The following COL11A2 variants were observed in gnomAD, a reference collection of about 807,000 sequenced individuals.
COL11A2 encodes collagen alpha-2(XI) chain.
A neutral mutation model predicts 273.4 loss-of-function variants in COL11A2; 116 were observed. That is an observed-to-expected ratio of 0.42 (90% confidence interval 0.36 to 0.49). The LOEUF (loss-of-function observed/expected upper bound fraction) is 0.49. Ranked by LOEUF, COL11A2 falls within the 20% of genes least tolerant of loss-of-function variation. The pLI is 0.00. For missense variants in COL11A2, 1,866 were observed against 2,309.0 expected, an observed-to-expected ratio of 0.81 and a Z score of 3.93; for synonymous variants, 782 against 864.2, an observed-to-expected ratio of 0.90 and a Z score of 1.67.
intron 30 of COL11A2, 70 bp from the exon 31 acceptor site, chr6:33,174,650 A>G: frequency 6.8e-7 from 1 of 1,465,800 alleles, no homozygotes; most frequent in Non-Finnish European, 9.5e-7. Context: ...GGAGACCTCA[A>G]CCCTCACATA....
At position 33,165,808 on chromosome 6, in the gene COL11A2, TG is replaced by T. The variant is rs1182394663; in HGVS notation, c.4490del (p.Pro1497GlnfsTer4). ...TGGGCAGTGGCTGGATCACCTCGCC[TG>T]GGGGACCCTGGGTGCAGGGACAGAT... The part of the protein sequence containing the change: ...VQGPPGHPGP[P>X]GEVIQPLPIQ... On this transcript the variant is annotated frameshift_variant, in exon 63 of 66. Transcript: ENST00000341947. LOFTEE classifies it high-confidence loss of function. The surrounding 1 kb of genome is among the most constrained non-coding windows in gnomAD (Gnocchi z 7.7). 2 of 1,613,366 alleles carry T rather than the reference TG, an allele frequency of 1.2e-6. No individual in the cohort carries two copies. Among genetic ancestry groups the T allele is most frequent in the Non-Finnish European group, 1.7e-6 (2 of 1,179,968 alleles).
chr6:33,180,910 A>C, intron 10 of COL11A2, 54 bp downstream of exon 10: 1 of 1,605,378 alleles, frequency 6.2e-7, no homozygotes, highest in East Asian at 2.2e-5. Flanking sequence ...TCAGATGAGC[A>C]CATAGAAGGG....
rs375518774 is a variant in COL11A2, at chr6:33,165,637, G to T, written c.4662C>A (p.Ile1554=). The stretch of plus-strand genomic sequence containing the variant: ...TCCCTGTTGGCCGCCTCATCTGCTC[G>T]ATCTCCTCCCGCAGGGAGTCGAGTG... ...FGSLDSLREE[I]EQMRRPTGTQ... Residue 1554 remains isoleucine, a synonymous_variant, in exon 63 of 66, where the codon ATC becomes ATA. Transcript: ENST00000341947. The surrounding 1 kb of genome is among the most constrained non-coding windows in gnomAD (Gnocchi z 7.7). The T allele has an allele frequency of 6.2e-7, 1 of 1,613,010 alleles. No individual in the cohort carries two copies. Among genetic ancestry groups the T allele is most frequent in the Non-Finnish European group, 8.5e-7 (1 of 1,179,986 alleles).
In COL11A2 at chr6:33,176,951, A is replaced by C; in HGVS notation, c.2070+41T>G. The stretch of plus-strand genomic sequence containing the variant: ...CTCTGAGGTCATGCACTGGGGTGGA[A>C]GGCCAAGGGGAACTGGATTCGGAAG... On this transcript the variant is annotated intron_variant, in intron 25 of 65. Coordinates refer to ENST00000341947, the MANE Select transcript of COL11A2 (RefSeq NM_080680.3). The surrounding 1 kb of genome is among the most constrained non-coding windows in gnomAD (Gnocchi z 4.9). The C allele has an allele frequency of 6.3e-7, 1 of 1,598,554 alleles. No homozygotes were observed. The highest frequency in any genetic ancestry group is 8.5e-7 in the Non-Finnish European group (1 of 1,171,934).
Position 33,170,100 on chromosome 6 carries a change from C to T in COL11A2, c.3583G>A (p.Gly1195Ser), listed in dbSNP as rs1369902688. 1.5e-5 allele frequency: 24 copies of T among 1,612,890 alleles called. No individual in the cohort carries two copies. The highest frequency in any genetic ancestry group is 1.9e-5 in the Non-Finnish European group (23 of 1,180,034). ...RGPAGPNGAD[G>S]PQGPPGGVGN... is the part of the protein sequence containing the mutation. ...ACACCTCCTGGGGGACCTTGTGGGC[C>T]CTGGAAGAGGAACAGAAATAGGTGT... is the stretch of plus-strand genomic sequence containing the variant. Residue 1195 changes from glycine to serine, a missense_variant and splice_region_variant, in exon 49 of 66, where the codon GGC becomes AGC. Transcript: ENST00000341947. The surrounding 1 kb of genome is among the most constrained non-coding windows in gnomAD (Gnocchi z 4.3).
rs1209954762 is a variant in COL11A2, at chr6:33,192,447, C to A, written c.-207G>T. On this transcript the variant is annotated 5_prime_UTR_variant, in exon 1 of 66. Coordinates refer to ENST00000341947, the MANE Select transcript of COL11A2 (RefSeq NM_080680.3). ...GGGGCTCCCGGCACTGCTCCCTCCT[C>A]GGTGGCTGCCGCTTCTGTGTGTCCC... 3 of 598,558 alleles carry A rather than the reference C, an allele frequency of 5.0e-6. No homozygotes were observed. Among genetic ancestry groups the A allele is most frequent in the Non-Finnish European group, 8.9e-6 (3 of 336,264 alleles). 37.1% of individuals were successfully genotyped at this position (598,558 alleles called of 1,614,324 possible).
rs1771276793 is a variant in COL11A2 at position 33,178,709 on chromosome 6, G to T, written c.1689C>A (p.Leu563=). The part of the protein sequence containing the change: ...GVKGDRGFDG[L]PGLPGEKGHR... ...GGCCCTTCTCTCCAGGGAGCCCTGG[G>T]AGTCCATCAAAACCTCGGTCACCCT... The change falls in exon 18 of 66, where the codon CTC becomes CTA. Residue 563 remains leucine, a synonymous_variant. Coordinates refer to ENST00000341947, the MANE Select transcript of COL11A2 (RefSeq NM_080680.3). This position sits in a 1 kb window ranked among gnomAD's most constrained non-coding sequence, Gnocchi z 4.6. The T allele has an allele frequency of 6.2e-7, 1 of 1,612,736 alleles. No homozygotes were observed. The highest frequency in any genetic ancestry group is 8.5e-7 in the Non-Finnish European group (1 of 1,179,934).
Position 33,179,124 on chromosome 6 carries a change from G to T in COL11A2, c.1560C>A (p.Gly520=), listed in dbSNP as rs370680294. ...KGESGDLGPQ[G]PRGPQGLTGP... is the part of the protein sequence containing the mutation. ...CTGTGAGGCCCTGAGGTCCTCTGGG[G>T]CCCTGGTGAGAGGAGAGATGGGGTG... Residue 520 remains glycine (G), a splice_region_variant and synonymous_variant, in exon 16 of 66, where the codon GGC becomes GGA. Coordinates refer to ENST00000341947, the MANE Select transcript of COL11A2 (RefSeq NM_080680.3). The surrounding 1 kb of genome is among the most constrained non-coding windows in gnomAD (Gnocchi z 6.4). 44 of 1,613,670 alleles carry T rather than the reference G, an allele frequency of 2.7e-5. No individual in the cohort carries two copies. The African/African-American group carries it at 5.5e-4, about 20-fold the overall frequency.
chr6:33,184,412 T>A, intron 7 of COL11A2, 88 bp from the exon 8 acceptor site: 1 of 942,060 alleles, frequency 1.1e-6, no homozygotes, highest in Non-Finnish European at 1.5e-6. Context: ...TGACAACTTC[T>A]AGCCCAAAGG....
chr6:33,175,762 G>A (rs1417196743), intron 29 of COL11A2, 81 bp from the exon 30 acceptor site: 1 of 1,361,760 alleles, frequency 7.3e-7, no homozygotes, highest in African/African-American at 1.4e-5. Flanking sequence ...CAACAGTGAG[G>A]CTGAGGAGGG....
chr6:33,166,932 G>A lies in COL11A2; in HGVS notation c.4231-105C>T. 1 of 1,510,294 alleles carries A rather than the reference G, an allele frequency of 6.6e-7. No homozygotes were observed. The highest frequency in any genetic ancestry group is 9.1e-7 in the Non-Finnish European group (1 of 1,101,632). The allele number at this position is 1,510,294 out of a possible 1,614,324, so 93.6% of individuals were successfully genotyped here. ...AGGGAGCCGGGCACAGGGTCCGTGAGTGGCCCTCACTGAGCAGGGACTCCC... is the reference window on the plus strand; with the variant it reads ...AGGGAGCCGGGCACAGGGTCCGTGAATGGCCCTCACTGAGCAGGGACTCCC... On this transcript the variant is annotated intron_variant, in intron 58 of 65. Transcript: ENST00000341947. The surrounding 1 kb of genome is among the most constrained non-coding windows in gnomAD (Gnocchi z 4.8).
At chr6:33,180,195 G>T in intron 12 of COL11A2, 63 bp downstream of exon 12, 1 of 1,498,006 alleles carries the variant, frequency 6.7e-7, no homozygotes, top group Non-Finnish European at 9.3e-7. Context: ...CTGGTTCTTG[G>T]TAACATGACA....
At position 33,170,529 on chromosome 6, in the gene COL11A2, G is replaced by A; in HGVS notation, c.3528+28C>T. On this transcript the variant is annotated intron_variant, in intron 47 of 65. Transcript: ENST00000341947. This position sits in a 1 kb window ranked among gnomAD's most constrained non-coding sequence, Gnocchi z 4.3. ...CAGGGAGGGGGGTGACTAGTATGGT[G>A]GCTAGGGTCAGTAGGGGTCACACTC... The A allele has an allele frequency of 6.2e-7, 1 of 1,611,730 alleles. No individual in the cohort carries two copies. The highest frequency in any genetic ancestry group is 8.5e-7 in the Non-Finnish European group (1 of 1,179,532).
rs571184169 is a variant in COL11A2 at position 33,174,639 on chromosome 6, T to C, written c.2377-59A>G. The stretch of plus-strand genomic sequence containing the variant: ...GGAGGCCCAGATGCCACTCCACCCC[T>C]GGAGACCTCAACCCTCACATATAAC... On this transcript the variant is annotated intron_variant, in intron 30 of 65. Coordinates refer to ENST00000341947, the MANE Select transcript of COL11A2 (RefSeq NM_080680.3). The C allele has an allele frequency of 2.9e-5, 45 of 1,545,986 alleles. No homozygotes were observed. In the African/African-American group the frequency reaches 5.4e-4, roughly 19 times the overall value.
intron 41 of COL11A2, 67 bp downstream of exon 41, chr6:33,171,983 A>G: frequency 6.3e-7 from 1 of 1,582,240 alleles, no homozygotes; most frequent in East Asian, 2.2e-5. Context: ...TCAGAATGCC[A>G]CTCCCACCCT....
rs774304709 is a variant in COL11A2 at position 33,167,828 on chromosome 6, C to T, written c.3985G>A (p.Glu1329Lys). 2.2e-5 allele frequency: 36 copies of T among 1,612,644 alleles called. No homozygotes were observed. The highest frequency in any genetic ancestry group is 2.7e-5 in the Non-Finnish European group (32 of 1,179,926). The change falls in exon 55 of 66, where the codon GAG becomes AAG. Residue 1329 changes from glutamate (E) to lysine (K), a missense_variant. Coordinates refer to ENST00000341947, the MANE Select transcript of COL11A2 (RefSeq NM_080680.3). The surrounding 1 kb of genome is among the most constrained non-coding windows in gnomAD (Gnocchi z 6.1). ...GCTCCCTTCCCTCCTTGTCGCCCCT[C>T]GGAACCAGGCGAGCCAGCAGGACCC... The part of the protein sequence containing the change: ...KRGPAGSPGS[E>K]GRQGGKGAKG...
chr6:33,180,753 TCAGGTGTGGGCATTCAGA>T, intron 10 of COL11A2, 23 bp from the exon 11 acceptor site: 1 of 1,608,992 alleles, frequency 6.2e-7, no homozygotes, highest in South Asian at 1.1e-5. Flanking sequence ...AGAGTAGGGG[TCAGGTGTGGGCATTCAGA>T]CAGGTGTGGA....
At position 33,169,810 on chromosome 6, in the gene COL11A2, G is replaced by A. The variant is rs1301681751; in HGVS notation, c.3690+21C>T. 6.2e-7 allele frequency: 1 copy of A among 1,614,044 alleles called. No individual in the cohort carries two copies. The highest frequency in any genetic ancestry group is 1.1e-5 in the South Asian group (1 of 91,080). On this transcript the variant is annotated intron_variant, in intron 50 of 65. Coordinates refer to ENST00000341947, the MANE Select transcript of COL11A2 (RefSeq NM_080680.3). The surrounding 1 kb of genome is among the most constrained non-coding windows in gnomAD (Gnocchi z 5.5). ...GCGGGTGACGGGGACTGGGGAGTAA[G>A]GCCTTGGAGCTGTCACTCACCTTGA... is the stretch of plus-strand genomic sequence containing the variant.
chr6:33,169,510 C>T lies in COL11A2; in HGVS notation c.3691-20G>A. The T allele has an allele frequency of 6.2e-7, 1 of 1,608,350 alleles. No individual in the cohort carries two copies. The highest frequency in any genetic ancestry group is 8.5e-7 in the Non-Finnish European group (1 of 1,176,198). On this transcript the variant is annotated intron_variant, in intron 50 of 65. Transcript: ENST00000341947. This position sits in a 1 kb window ranked among gnomAD's most constrained non-coding sequence, Gnocchi z 5.5. ...TGGACCCTGCAGAACAAGCGGAGGACACAGATGGCCCAGGGAATCTTGAAG... is the reference window on the plus strand; with the variant it reads ...TGGACCCTGCAGAACAAGCGGAGGATACAGATGGCCCAGGGAATCTTGAAG...
Sources: allele counts gnomAD v4.1 joint callset, GRCh38; gene constraint gnomAD v4.1.1; non-coding constraint Gnocchi (gnomAD v3.1); transcripts MANE v1.5; gene names NCBI Gene and HGNC (gene_info 2026-07-23, HGNC 2026-07-21).